KCNN2: variants seen among roughly 807,000 people sequenced by gnomAD.
KCNN2 encodes the protein small conductance calcium-activated potassium channel protein 2.
A neutral mutation model predicts 55.5 loss-of-function variants in KCNN2; 24 were observed. The ratio of observed to expected loss-of-function variants is 0.43; its 90% confidence interval spans 0.31 to 0.61. KCNN2 has a LOEUF of 0.61. Ranked by LOEUF, KCNN2 falls within the 20% of genes least tolerant of loss-of-function variation. The probability of loss-of-function intolerance (pLI) is 0.08; values close to 1 mark genes in which losing one functional copy is unlikely to be tolerated. For missense variants in KCNN2, 754 were observed against 853.6 expected, an observed-to-expected ratio of 0.88 and a Z score of 1.45; for synonymous variants, 431 against 336.1, an observed-to-expected ratio of 1.28 and a Z score of -3.09.
chr5:114,357,573 G>C (rs1232368456), upstream of KCNN2, among the ~76,000 whole-genome samples: 2 of 127,690 alleles, frequency 1.6e-5, no homozygotes, highest in African/African-American at 6.1e-5. Flanking sequence ...TCTTGCGATA[G>C]TTTACTGAGA....
At chr5:114,458,547 A>G (rs1242980054) in intron 3 of KCNN2, among the ~76,000 whole-genome samples, 2 of 152,190 alleles carry the variant, frequency 1.3e-5, no homozygotes, top group East Asian at 3.8e-4. Flanking sequence ...TACTTCAAAT[A>G]TTACTTCCCT....
At chr5:114,089,841 G>T (rs1751099809) in intron 1 of KCNN2, among the ~76,000 whole-genome samples, 1 of 152,156 alleles carries the variant, frequency 6.6e-6, no homozygotes, top group Admixed American at 6.5e-5. Context: ...TTAAGACTGA[G>T]AAAAACTTCC....
At chr5:114,198,334 A>C (rs1194999863) in intron 1 of KCNN2, among the ~76,000 whole-genome samples, 1 of 150,248 alleles carries the variant, frequency 6.7e-6, no homozygotes, top group Non-Finnish European at 1.5e-5. Context: ...TCATATATAT[A>C]TATATATACG....
intron 1 of KCNN2, among the ~76,000 whole-genome samples, chr5:114,157,168 A>G (rs4705629): frequency 0.49 from 57,524 of 117,334 alleles, 13,502 homozygotes; most frequent in Middle Eastern, 0.64. Flanking sequence ...CCCCTACCCT[A>G]CAGCAGTCCC....
intron 2 of KCNN2, among the ~76,000 whole-genome samples, chr5:114,337,315 T>A (rs1580730466): frequency 1.3e-5 from 2 of 152,302 alleles, no homozygotes; most frequent in African/African-American, 4.8e-5. Flanking sequence ...GATGAGCAGC[T>A]GAGACAGTAT....
rs553246109 is a variant in KCNN2, at chr5:114,156,909, A to G, written c.-270-64571A>G. ...ATAGCTTATAGTCTACTGATGTTCA[A>G]AATACTCAAGCAAGTATTTTTTCCA... On this transcript the variant is annotated intron_variant, in intron 1 of 10. Transcript: ENST00000512097. Among the ~76,000 whole-genome samples the G allele has an allele frequency of 1.1e-4, 17 of 152,224 alleles. No individual in the cohort carries two copies. The East Asian group carries it at 3.3e-3, about 29-fold the overall frequency.
intron 3 of KCNN2, among the ~76,000 whole-genome samples, chr5:114,411,895 C>G (rs553780608): frequency 6.6e-6 from 1 of 152,122 alleles, no homozygotes; most frequent in African/African-American, 2.4e-5. Flanking sequence ...CTAAAATTAA[C>G]CATCACATAT....
chr5:114,089,736 C>G (rs1207822700), intron 1 of KCNN2, among the ~76,000 whole-genome samples: 2 of 152,064 alleles, frequency 1.3e-5, no homozygotes, highest in African/African-American at 4.8e-5. Context: ...GCTGAGGCAA[C>G]AATAATTTCA....
intron 2 of KCNN2, among the ~76,000 whole-genome samples, chr5:114,342,224 T>C (rs1757030449): frequency 6.6e-6 from 1 of 151,954 alleles, no homozygotes; most frequent in Non-Finnish European, 1.5e-5. Context: ...TTAAATTATA[T>C]CTCCAGAATT....
At chr5:114,261,121 C>T (rs1237142096) in intron 2 of KCNN2, among the ~76,000 whole-genome samples, 2 of 152,140 alleles carry the variant, frequency 1.3e-5, no homozygotes, top group East Asian at 1.9e-4. Flanking sequence ...GTTTTGTTAA[C>T]ATTTGAAGTG....
At position 114,409,084 on chromosome 5, in the gene KCNN2, A is replaced by T. The variant is rs139914762; in HGVS notation, c.1637+4228A>T. ...CACTGGGATTTAGTCTCAGTTGTGTAATTTAGGGGCTGAGTGACCTCAGGC... is the reference window on the plus strand; with the variant it reads ...CACTGGGATTTAGTCTCAGTTGTGTTATTTAGGGGCTGAGTGACCTCAGGC... On this transcript the variant is annotated intron_variant, in intron 3 of 7. Transcript: ENST00000673685. 7.4e-3 allele frequency among the ~76,000 whole-genome samples: 1,130 copies of T among 152,276 alleles called. 1 individual carries two copies. Among genetic ancestry groups the T allele is most frequent in the Middle Eastern group, 0.02 (6 of 294 alleles).
chr5:114,322,576 TACACACACACACAC>T (rs113249707), intron 2 of KCNN2, among the ~76,000 whole-genome samples: 16 of 148,610 alleles, frequency 1.1e-4, no homozygotes, highest in African/African-American at 4.0e-4. Context: ...CACTCCCCCA[TACACACACACACAC>T]ACACACACAC....
intron 2 of KCNN2, among the ~76,000 whole-genome samples, chr5:114,248,884 G>A (rs1289424385): frequency 4.6e-5 from 7 of 152,142 alleles, no homozygotes; most frequent in East Asian, 1.9e-4. Context: ...TGTAGTAACC[G>A]TTTAATGAAT....
chr5:114,485,790 T>C (rs1259174889), intron 5 of KCNN2, among the ~76,000 whole-genome samples: 1 of 152,202 alleles, frequency 6.6e-6, no homozygotes, highest in African/African-American at 2.4e-5. Context: ...GTTGTAGCAA[T>C]ATAATGTTGC....
At chr5:114,069,425 C>A (rs1750520779) in intron 1 of KCNN2, among the ~76,000 whole-genome samples, 1 of 152,246 alleles carries the variant, frequency 6.6e-6, no homozygotes, top group African/African-American at 2.4e-5. Flanking sequence ...GCAACATCTC[C>A]AGTTTTTTTA....
At chr5:114,412,774 T>C (rs1266011118) in intron 3 of KCNN2, among the ~76,000 whole-genome samples, 3 of 152,214 alleles carry the variant, frequency 2.0e-5, no homozygotes, top group Non-Finnish European at 4.4e-5. Context: ...ATTTGAAACA[T>C]GTTACTTGGG....
At chr5:114,061,999 A>G (rs1473621976) in intron 1 of KCNN2, among the ~76,000 whole-genome samples, 1 of 152,202 alleles carries the variant, frequency 6.6e-6, no homozygotes, top group African/African-American at 2.4e-5. Flanking sequence ...AAAGATGACC[A>G]ACTGTAATTG....
At chr5:114,109,593 C>T (rs1405111651) in intron 1 of KCNN2, among the ~76,000 whole-genome samples, 4 of 151,912 alleles carry the variant, frequency 2.6e-5, no homozygotes, top group African/African-American at 7.3e-5. Context: ...ATGACACAAC[C>T]GAATATGACC....
Position 114,493,390 on chromosome 5 carries a change from T to C in KCNN2, c.2019-13T>C. 1 of 1,520,302 alleles carries C rather than the reference T, an allele frequency of 6.6e-7. No homozygotes were observed. The allele number at this position is 1,520,302 out of a possible 1,614,324, so 94.2% of individuals were successfully genotyped here. A position where few individuals can be genotyped will look rare whatever the true frequency, so the allele number is the denominator to read the frequency against. On this transcript the variant is annotated splice_polypyrimidine_tract_variant and intron_variant, in intron 6 of 7. Transcript: ENST00000673685. Reference sequence around the variant, plus strand: ...AGAAGGGAACCTTTCTGATACCAGATTCTATCTTTTAGATTAAGAAGTGTA... The same window carrying C: ...AGAAGGGAACCTTTCTGATACCAGACTCTATCTTTTAGATTAAGAAGTGTA...
Sources: allele counts gnomAD v4.1 joint callset (sites outside exome capture counted in the v4.1 genomes callset), GRCh38; gene constraint gnomAD v4.1.1; transcripts MANE v1.5; gene names NCBI Gene and HGNC (gene_info 2026-07-23, HGNC 2026-07-21).